TMEM132D: variants seen among roughly 807,000 people sequenced by gnomAD.
The protein encoded by TMEM132D is mature OL transmembrane protein.
A neutral mutation model predicts 62.3 loss-of-function variants in TMEM132D; 21 were observed. The observed-to-expected ratio is 0.34, with a 90% CI of 0.24 to 0.49. TMEM132D has a LOEUF of 0.49. TMEM132D is among the 20% of genes least tolerant of loss of function. The pLI is 0.99. For missense variants in TMEM132D, 1,346 were observed against 1,402.8 expected (o/e 0.96, Z 0.65); for synonymous variants, 621 against 575.6 (o/e 1.08, Z -1.13).
chr12:129,582,683 A>G (rs1245805655), intron 2 of TMEM132D, among the ~76,000 whole-genome samples: 1 of 147,702 alleles, frequency 6.8e-6, no homozygotes, highest in Non-Finnish European at 1.5e-5. Context: ...CAGTGGTGTG[A>G]TCTCGGCTCA....
At chr12:129,297,835 C>G (rs1881615301) in intron 4 of TMEM132D, among the ~76,000 whole-genome samples, 1 of 152,112 alleles carries the variant, frequency 6.6e-6, no homozygotes, top group Non-Finnish European at 1.5e-5. Flanking sequence ...GCTGCTCTCC[C>G]CAACCCCATG....
At chr12:129,321,905 T>C (rs1868728543) in intron 4 of TMEM132D, among the ~76,000 whole-genome samples, 1 of 152,214 alleles carries the variant, frequency 6.6e-6, no homozygotes. Context: ...AATGTTTCCT[T>C]CCTGCTCTTT....
chr12:129,095,786 C>T (rs777234074), intron 5 of TMEM132D, among the ~76,000 whole-genome samples: 8 of 152,136 alleles, frequency 5.3e-5, no homozygotes, highest in South Asian at 2.1e-4. Flanking sequence ...AAACCAAACC[C>T]GCACACACCT....
chr12:129,398,010 T>G (rs1031267198), intron 3 of TMEM132D, among the ~76,000 whole-genome samples: 1 of 152,200 alleles, frequency 6.6e-6, no homozygotes, highest in Non-Finnish European at 1.5e-5. Flanking sequence ...GCTTCAGTTC[T>G]CTCAGCCAGA....
chr12:129,284,053 C>T (rs1881229618), intron 4 of TMEM132D, among the ~76,000 whole-genome samples: 1 of 152,264 alleles, frequency 6.6e-6, no homozygotes, highest in South Asian at 2.1e-4. Context: ...GAGGACAAGG[C>T]TCTCCTGTGC....
chr12:129,531,009 G>A, intron 3 of TMEM132D, 50 bp downstream of exon 3: 3 of 1,214,936 alleles, frequency 2.5e-6, no homozygotes, highest in Non-Finnish European at 3.3e-6. Context: ...AAAAAAATCA[G>A]GCCACATTTG....
rs1033597582 is a variant in TMEM132D, at chr12:129,457,132, C to A, written c.1115+73927G>T. 4.6e-5 allele frequency among the ~76,000 whole-genome samples: 7 copies of A among 152,010 alleles called. No individual in the cohort carries two copies. In the South Asian group the frequency reaches 1.3e-3, roughly 27 times the overall value. ...TATAAATCATGCTGCTATAAAGACA[C>A]ATGCACACGTATGTTTATTGCGGCA... is the stretch of plus-strand genomic sequence containing the variant. On this transcript the variant is annotated intron_variant, in intron 3 of 8. Transcript: ENST00000422113.
intron 1 of TMEM132D, among the ~76,000 whole-genome samples, chr12:129,861,913 C>A (rs539016930): frequency 6.6e-6 from 1 of 152,108 alleles, no homozygotes; most frequent in African/African-American, 2.4e-5. Context: ...ACCAGATGGC[C>A]CCACCCAGAC....
rs546112157 is a variant in TMEM132D, at chr12:129,702,102, T to C, written c.80-1404A>G. Reference sequence around the variant, plus strand: ...GTCAGGCTGCATCCAGTTTAACTTCTAGACAAGAAGTTCAACGCATGTATT... The same window carrying C: ...GTCAGGCTGCATCCAGTTTAACTTCCAGACAAGAAGTTCAACGCATGTATT... On this transcript the variant is annotated intron_variant, in intron 1 of 8. Transcript: ENST00000422113. Among the ~76,000 whole-genome samples the C allele has an allele frequency of 2.0e-3, 311 of 152,292 alleles. 1 individual carries two copies. The highest frequency in any genetic ancestry group is 2.6e-3 in the Non-Finnish European group (176 of 68,034).
chr12:129,884,581 T>C (rs1874695463), intron 1 of TMEM132D, among the ~76,000 whole-genome samples: 1 of 152,246 alleles, frequency 6.6e-6, no homozygotes, highest in Non-Finnish European at 1.5e-5. Context: ...ACACATGTAT[T>C]AGAATGGCTA....
chr12:129,166,724 CACACAT>C (rs1877569079), intron 5 of TMEM132D, among the ~76,000 whole-genome samples: 1 of 147,366 alleles, frequency 6.8e-6, no homozygotes, highest in Non-Finnish European at 1.5e-5. Flanking sequence ...TATACACACA[CACACAT>C]ATATATATAT....
At chr12:129,137,890 G>GT (rs10665290) in intron 5 of TMEM132D, among the ~76,000 whole-genome samples, 2,305 of 150,070 alleles carry the variant, frequency 0.015, 51 homozygotes, top group African/African-American at 0.047. Flanking sequence ...CAAATAAGAG[G>GT]TTTTTTTTTT....
Position 129,770,140 on chromosome 12 carries a change from G to GTTTTTTTTTTTTTT in TMEM132D, c.80-69443_80-69442insAAAAAAAAAAAAAA, listed in dbSNP as rs375230592. ...ATGAGATTCTTTGTGGGTTTTTTTG[G>GTTTTTTTTTTTTTT]TTGTTTTTTTTTTTTTTTTTTGAGA... On this transcript the variant is annotated intron_variant, in intron 1 of 8. Transcript: ENST00000422113. Among the ~76,000 whole-genome samples the GTTTTTTTTTTTTTT allele has an allele frequency of 2.1e-4, 22 of 104,332 alleles. 2 individuals are homozygous for GTTTTTTTTTTTTTT. Among genetic ancestry groups the GTTTTTTTTTTTTTT allele is most frequent in the Admixed American group, 6.0e-4 (5 of 8,402 alleles). 68.4% of individuals were successfully genotyped at this position (104,332 alleles called of 152,430 possible). A position where few individuals can be genotyped will look rare whatever the true frequency, so the allele number is the denominator to read the frequency against.
chr12:129,307,300 G>A (rs57259364), intron 4 of TMEM132D, among the ~76,000 whole-genome samples: 2,117 of 152,106 alleles, frequency 0.014, 59 homozygotes, highest in African/African-American at 0.048. Context: ...TGAACCCAAC[G>A]GAAAGTGGGA....
intron 4 of TMEM132D, among the ~76,000 whole-genome samples, chr12:129,332,193 C>T (rs1869127650): frequency 6.6e-6 from 1 of 152,074 alleles, no homozygotes; most frequent in African/African-American, 2.4e-5. Context: ...ATTTGCCTCC[C>T]TAAAAACAAA....
chr12:129,352,688 A>C (rs954565735), intron 3 of TMEM132D, among the ~76,000 whole-genome samples: 11 of 152,218 alleles, frequency 7.2e-5, no homozygotes, highest in Non-Finnish European at 1.5e-4. Context: ...CATTAGAGAA[A>C]TGCAAATCAA....
At chr12:129,269,111 T>C (rs1211589235) in intron 4 of TMEM132D, among the ~76,000 whole-genome samples, 2 of 152,032 alleles carry the variant, frequency 1.3e-5, no homozygotes, top group Admixed American at 1.3e-4. Flanking sequence ...ATGGCACATG[T>C]GTACATATGT....
At chr12:129,197,668 C>A (rs1386729681) in intron 5 of TMEM132D, among the ~76,000 whole-genome samples, 1 of 152,176 alleles carries the variant, frequency 6.6e-6, no homozygotes, top group East Asian at 1.9e-4. Flanking sequence ...AAACACAAAA[C>A]CAGAAACTGC....
intron 3 of TMEM132D, among the ~76,000 whole-genome samples, chr12:129,369,614 C>T (rs1870533081): frequency 6.6e-6 from 1 of 152,230 alleles, no homozygotes; most frequent in Admixed American, 6.5e-5. Context: ...AACATCCCAC[C>T]TAGCCATTGA....
Sources: gnomAD v4.1 joint callset for allele counts (sites outside exome capture counted in the v4.1 genomes callset) on GRCh38, gnomAD v4.1.1 for gene constraint, MANE v1.5 for transcripts, NCBI Gene and HGNC (gene_info 2026-07-23, HGNC 2026-07-21) for gene names.